NAV3: variants seen among roughly 807,000 people sequenced by gnomAD.
The protein encoded by NAV3 is pore membrane and/or filament interacting like protein 1.
NAV3 carries 87 observed loss-of-function variants against 244.7 expected under a neutral mutation model. That is an observed-to-expected ratio of 0.36 (90% CI 0.30 to 0.42). The LOEUF (loss-of-function observed/expected upper bound fraction) is 0.42. NAV3 is among the 20% of genes least tolerant of loss of function. The probability of loss-of-function intolerance (pLI) is 1.00; values close to 1 mark genes in which losing one functional copy is unlikely to be tolerated. For missense variants in NAV3, 2,663 were observed against 2,893.3 expected, an observed-to-expected ratio of 0.92 and a Z score of 1.83; for synonymous variants, 1,126 against 1,042.2, an observed-to-expected ratio of 1.08 and a Z score of -1.55.
intron 1 of NAV3, among the ~76,000 whole-genome samples, chr12:77,899,606 T>C (rs188111108): frequency 3.5e-4 from 54 of 152,336 alleles, no homozygotes; most frequent in Middle Eastern, 3.4e-3. Context: ...AACTTTTACA[T>C]GAGGTAGAAA....
At chr12:77,805,266 C>T (rs1871915120) in intron 2 of NAV3, among the ~76,000 whole-genome samples, 1 of 152,168 alleles carries the variant, frequency 6.6e-6, no homozygotes, top group Admixed American at 6.5e-5. Context: ...GAAATGCTTC[C>T]AGCTTTTGCC....
chr12:77,827,614 T>C (rs951558577), upstream of NAV3, among the ~76,000 whole-genome samples: 1 of 152,180 alleles, frequency 6.6e-6, no homozygotes, highest in African/African-American at 2.4e-5. Context: ...TTCAGTCCTA[T>C]TAATCCTTAT....
At chr12:77,952,392 A>C (rs534868494) in intron 3 of NAV3, among the ~76,000 whole-genome samples, 1 of 152,128 alleles carries the variant, frequency 6.6e-6, no homozygotes, top group African/African-American at 2.4e-5. Flanking sequence ...TCTTCAACAG[A>C]TATCAATTGA....
chr12:78,148,789 T>C (rs767386522), intron 21 of NAV3, 53 bp from the exon 22 acceptor site: 20 of 1,520,980 alleles, frequency 1.3e-5, no homozygotes, highest in Non-Finnish European at 1.8e-5. Context: ...GAATTCTGGG[T>C]TTTAAGTAAA....
chr12:77,863,869 T>C (rs1879622109), intron 1 of NAV3, among the ~76,000 whole-genome samples: 1 of 151,932 alleles, frequency 6.6e-6, no homozygotes, highest in African/African-American at 2.4e-5. Context: ...TTATTTTCAT[T>C]CTTTGTTTTT....
At chr12:78,155,493 A>G (rs1957267362) in intron 22 of NAV3, among the ~76,000 whole-genome samples, 1 of 152,170 alleles carries the variant, frequency 6.6e-6, no homozygotes, top group Non-Finnish European at 1.5e-5. Context: ...GCATGCAGGT[A>G]TCTTTATAAT....
chr12:77,925,573 A>T (rs1309618990), intron 1 of NAV3, among the ~76,000 whole-genome samples: 3 of 152,102 alleles, frequency 2.0e-5, no homozygotes, highest in African/African-American at 7.2e-5. Context: ...TAATGCTATG[A>T]CTTCTAAGTC....
At chr12:77,639,511 C>A (rs959576298) in intron 2 of NAV3, among the ~76,000 whole-genome samples, 6 of 152,130 alleles carry the variant, frequency 3.9e-5, no homozygotes, top group African/African-American at 1.4e-4. Flanking sequence ...AGAGATTTTT[C>A]TACTTTGTTC....
intron 15 of NAV3, among the ~76,000 whole-genome samples, chr12:78,120,943 G>T (rs191191547): frequency 6.6e-6 from 1 of 152,104 alleles, no homozygotes; most frequent in Admixed American, 6.5e-5. Flanking sequence ...TTATTCCTCC[G>T]TAGTAATATT....
intron 12 of NAV3, among the ~76,000 whole-genome samples, chr12:78,072,103 C>A (rs1188061644): frequency 6.6e-6 from 1 of 151,754 alleles, no homozygotes; most frequent in Non-Finnish European, 1.5e-5. Context: ...AAAATTGACA[C>A]CCTAACATCA....
chr12:78,149,612 G>A, intron 22 of NAV3, among the ~76,000 whole-genome samples: 1 of 152,058 alleles, frequency 6.6e-6, no homozygotes, highest in East Asian at 1.9e-4. Context: ...GAGGAGCAAT[G>A]GTGTTAAGAA....
At chr12:78,135,993 G>GTT in intron 18 of NAV3, among the ~76,000 whole-genome samples, 1 of 152,072 alleles carries the variant, frequency 6.6e-6, no homozygotes, top group Admixed American at 6.6e-5. Context: ...TGTTAATTCG[G>GTT]TTAATACCAG....
At chr12:77,890,417 A>G (rs1023827130) in intron 1 of NAV3, among the ~76,000 whole-genome samples, 3 of 152,078 alleles carry the variant, frequency 2.0e-5, no homozygotes, top group African/African-American at 7.2e-5. Context: ...TACCAGCCTC[A>G]GTTGAATTTT....
intron 12 of NAV3, among the ~76,000 whole-genome samples, chr12:78,106,843 C>T (rs1224050137): frequency 6.6e-6 from 1 of 152,186 alleles, no homozygotes; most frequent in Non-Finnish European, 1.5e-5. Flanking sequence ...ACCACTAGGG[C>T]CTGAAGCCTG....
At chr12:78,187,370 G>A (rs1346046746) in intron 31 of NAV3, among the ~76,000 whole-genome samples, 3 of 151,738 alleles carry the variant, frequency 2.0e-5, no homozygotes, top group South Asian at 2.1e-4. Flanking sequence ...TCTACCACCC[G>A]TTAATGATAA....
At chr12:77,889,546 A>T (rs374892768) in intron 1 of NAV3, among the ~76,000 whole-genome samples, 1 of 152,228 alleles carries the variant, frequency 6.6e-6, no homozygotes. Flanking sequence ...CTCTAAGTTA[A>T]TTCAATAATA....
At chr12:77,589,686 C>T (rs1246899178) in intron 2 of NAV3, among the ~76,000 whole-genome samples, 3 of 152,238 alleles carry the variant, frequency 2.0e-5, no homozygotes, top group African/African-American at 7.2e-5. Flanking sequence ...AATCACCCTC[C>T]ACCAGTTCCC....
In NAV3 at chr12:78,043,561, G is replaced by A. The variant is rs574667092; in HGVS notation, c.2024-6432G>A. Among the ~76,000 whole-genome samples the A allele has an allele frequency of 8.5e-5, 13 of 152,234 alleles. No individual in the cohort carries two copies. The East Asian group carries it at 9.6e-4, about 11-fold the overall frequency. ...ATACTCCCACCGACAGTGTAAAGGC[G>A]TTCCTATTTCTCCACAACCTCTCTA... On this transcript the variant is annotated intron_variant, in intron 9 of 39. Transcript: ENST00000397909.
chr12:77,954,288 T>C (rs1891164210), intron 3 of NAV3, among the ~76,000 whole-genome samples: 2 of 152,224 alleles, frequency 1.3e-5, no homozygotes, highest in Non-Finnish European at 2.9e-5. Flanking sequence ...ACTTTGTTTG[T>C]ACCTGGCACT....
Sources: allele counts gnomAD v4.1 joint callset (sites outside exome capture counted in the v4.1 genomes callset), GRCh38; gene constraint gnomAD v4.1.1; transcripts MANE v1.5; gene names NCBI Gene and HGNC (gene_info 2026-07-23, HGNC 2026-07-21).